The following IQCM variants were observed in gnomAD, a reference collection of about 807,000 sequenced individuals.
The protein encoded by IQCM is IQ domain-containing protein M.
In IQCM, 45 loss-of-function variants were observed where a neutral mutation model predicts 57.6. That is an observed-to-expected ratio of 0.78 (90% CI 0.62 to 1.00). IQCM has a LOEUF of 1.00. Among genes scored for constraint, IQCM ranks in the 50% least tolerant of loss-of-function variants. IQCM has a pLI of 0.00. For missense variants in IQCM, 468 were observed against 511.6 expected (o/e 0.91, Z 0.82); for synonymous variants, 148 against 158.9 (o/e 0.93, Z 0.51).
chr4:149,498,884 T>C (rs913463412), intron 12 of IQCM, among the ~76,000 whole-genome samples: 1 of 152,024 alleles, frequency 6.6e-6, no homozygotes, highest in Non-Finnish European at 1.5e-5. Context: ...AGAAATATAA[T>C]TGAAGTTTTG....
chr4:149,368,815 TATAC>T, intron 13 of IQCM, among the ~76,000 whole-genome samples: 2 of 98,086 alleles, frequency 2.0e-5, no homozygotes, highest in Non-Finnish European at 4.0e-5. Flanking sequence ...CATGTATATA[TATAC>T]ATATATATAC....
chr4:149,375,255 C>A (rs1489932228), intron 13 of IQCM, among the ~76,000 whole-genome samples: 1 of 152,004 alleles, frequency 6.6e-6, no homozygotes, highest in East Asian at 1.9e-4. Context: ...TTTCTTTGTA[C>A]CTGACCGAAA....
At chr4:149,580,414 G>A (rs961138062) in intron 9 of IQCM, among the ~76,000 whole-genome samples, 7 of 151,816 alleles carry the variant, frequency 4.6e-5, no homozygotes, top group African/African-American at 1.4e-4. Flanking sequence ...CTTAACAAAC[G>A]AAGCAGTGGT....
chr4:149,782,294 G>C (rs1038062107), intron 2 of IQCM, among the ~76,000 whole-genome samples: 8 of 150,806 alleles, frequency 5.3e-5, no homozygotes, highest in Non-Finnish European at 7.4e-5. Context: ...TCAGTTATGA[G>C]GAAAAAAAGG....
chr4:149,768,760 C>A (rs953799747), intron 2 of IQCM, among the ~76,000 whole-genome samples: 3 of 152,002 alleles, frequency 2.0e-5, no homozygotes, highest in Non-Finnish European at 2.9e-5. Flanking sequence ...TGAGACACGG[C>A]AACTGAATCA....
chr4:149,735,325 T>C (rs1766836743), intron 4 of IQCM, 51 bp downstream of exon 4: 3 of 862,964 alleles, frequency 3.5e-6, no homozygotes, highest in South Asian at 5.8e-5. Flanking sequence ...AGAATCCTTG[T>C]AGTATGCAAA....
intron 12 of IQCM, among the ~76,000 whole-genome samples, chr4:149,520,066 G>A (rs1447638738): frequency 6.6e-6 from 1 of 152,098 alleles, no homozygotes; most frequent in Non-Finnish European, 1.5e-5. Flanking sequence ...ACAATATGTA[G>A]TACAATCGGT....
At chr4:149,726,299 T>C (rs1449922841) in intron 5 of IQCM, among the ~76,000 whole-genome samples, 3 of 152,216 alleles carry the variant, frequency 2.0e-5, no homozygotes, top group East Asian at 1.9e-4. Flanking sequence ...TCTAACTTCA[T>C]TGAAAAAAAA....
At chr4:149,510,503 A>G (rs1744293232) in intron 12 of IQCM, among the ~76,000 whole-genome samples, 1 of 152,222 alleles carries the variant, frequency 6.6e-6, no homozygotes, top group Non-Finnish European at 1.5e-5. Context: ...CATTGTAAAG[A>G]TAGTATAGGG....
At chr4:149,776,126 T>C (rs1771067198) in intron 2 of IQCM, among the ~76,000 whole-genome samples, 1 of 152,030 alleles carries the variant, frequency 6.6e-6, no homozygotes, top group South Asian at 2.1e-4. Context: ...AGCAAGGCTG[T>C]GTCTCTAAAA....
Position 149,723,066 on chromosome 4 carries a change from T to C in IQCM, c.385+10178A>G, listed in dbSNP as rs75664364. Among the ~76,000 whole-genome samples, 929 of 152,112 alleles carry C rather than the reference T, an allele frequency of 6.1e-3. 6 individuals carry two copies. Among genetic ancestry groups the C allele is most frequent in the Middle Eastern group, 0.01 (3 of 294 alleles). On this transcript the variant is annotated intron_variant, in intron 5 of 13. Coordinates refer to ENST00000636793, the MANE Select transcript of IQCM (RefSeq NM_001363507.2). ...TGTAGTTATTGTAAAAGGGACTGAG[T>C]TCTTTATTTGATTCTCAGGTTGGTC...
At chr4:149,412,903 T>G (rs930662116) in intron 13 of IQCM, among the ~76,000 whole-genome samples, 4 of 151,936 alleles carry the variant, frequency 2.6e-5, no homozygotes, top group Non-Finnish European at 5.9e-5. Context: ...AAGTTCAGAG[T>G]GGCAAGGAGG....
At chr4:149,505,592 C>T (rs897074351) in intron 12 of IQCM, among the ~76,000 whole-genome samples, 1 of 152,142 alleles carries the variant, frequency 6.6e-6, no homozygotes, top group Non-Finnish European at 1.5e-5. Context: ...TGAAATCCTG[C>T]CATCCTGAGA....
intron 13 of IQCM, among the ~76,000 whole-genome samples, chr4:149,369,203 C>G (rs985729462): frequency 2.6e-5 from 4 of 151,042 alleles, no homozygotes; most frequent in African/African-American, 7.3e-5. Context: ...TGCCATCATG[C>G]CTGTCTAATT....
chr4:149,622,499 C>T (rs751915614), intron 7 of IQCM, among the ~76,000 whole-genome samples: 10 of 152,078 alleles, frequency 6.6e-5, no homozygotes, highest in South Asian at 2.1e-4. Context: ...CCAGCCTCCA[C>T]GCCCGGCTAA....
chr4:149,519,343 C>A (rs183129943), intron 12 of IQCM, among the ~76,000 whole-genome samples: 2 of 152,118 alleles, frequency 1.3e-5, no homozygotes, highest in Non-Finnish European at 2.9e-5. Context: ...CTTTCTTGGC[C>A]GGGCGCGGTG....
intron 2 of IQCM, among the ~76,000 whole-genome samples, chr4:149,752,795 C>T (rs921202473): frequency 1.4e-4 from 21 of 152,088 alleles, no homozygotes; most frequent in Admixed American, 1.1e-3. Context: ...GGGATCACAG[C>T]GAGGCTCTGC....
chr4:149,389,573 T>C (rs985367498), intron 13 of IQCM, among the ~76,000 whole-genome samples: 11 of 151,414 alleles, frequency 7.3e-5, no homozygotes, highest in Admixed American at 2.6e-4. Context: ...ATGGATGAAA[T>C]TGGAAATCAT....
intron 10 of IQCM, among the ~76,000 whole-genome samples, chr4:149,554,047 ATATT>A (rs1260666927): frequency 6.6e-6 from 1 of 152,014 alleles, no homozygotes; most frequent in Non-Finnish European, 1.5e-5. Flanking sequence ...TTTCTAAATA[ATATT>A]TAGATTTATT....
Sources: allele counts gnomAD v4.1 joint callset (sites outside exome capture counted in the v4.1 genomes callset), GRCh38; gene constraint gnomAD v4.1.1; transcripts MANE v1.5; gene names NCBI Gene and HGNC (gene_info 2026-07-23, HGNC 2026-07-21).